The following DENND5A variants were observed in gnomAD, a reference collection of about 807,000 sequenced individuals.
DENND5A encodes the protein DENN domain containing 5A, also known as DENN domain-containing protein 5A.
A neutral mutation model predicts 140.3 loss-of-function variants in DENND5A; 64 were observed. The observed-to-expected ratio is 0.46, with a 90% CI of 0.37 to 0.56. The LOEUF is 0.56. Ranked by LOEUF, DENND5A falls within the 20% of genes least tolerant of loss-of-function variation. DENND5A has a pLI of 0.00. For missense variants in DENND5A, 1,292 were observed against 1,593.8 expected, an observed-to-expected ratio of 0.81 and a Z score of 3.22; for synonymous variants, 605 against 607.7, an observed-to-expected ratio of 1.00 and a Z score of 0.07.
In DENND5A at chr11:9,244,892, G is replaced by C. The variant is rs1191958360; in HGVS notation, c.109+20069C>G. ...GGGTTTCGCCGTGTTGCCGGGGCTG[G>C]TCTCGAACTCCTGGGCTCAAGCGAT... is the stretch of plus-strand genomic sequence containing the variant. On this transcript the variant is annotated intron_variant, in intron 1 of 22. Coordinates refer to ENST00000328194, the MANE Select transcript of DENND5A (RefSeq NM_015213.4). Among the ~76,000 whole-genome samples the C allele has an allele frequency of 2.6e-5, 4 of 151,934 alleles. No homozygotes were observed. In the East Asian group the frequency reaches 5.9e-4, roughly 22 times the overall value.
At chr11:9,161,614 T>TA in intron 11 of DENND5A, among the ~76,000 whole-genome samples, 1 of 152,320 alleles carries the variant, frequency 6.6e-6, no homozygotes, top group Non-Finnish European at 1.5e-5. Context: ...TTATTTTACA[T>TA]AAAAATTTTC....
At chr11:9,192,638 C>CAAA (rs141358183) in intron 5 of DENND5A, among the ~76,000 whole-genome samples, 1 of 140,718 alleles carries the variant, frequency 7.1e-6, no homozygotes, top group Non-Finnish European at 1.6e-5. Context: ...AAAAAAAAAA[C>CAAA]AAAAAAAAAC....
intron 1 of DENND5A, among the ~76,000 whole-genome samples, chr11:9,251,710 C>A (rs1324345383): frequency 6.6e-6 from 1 of 152,180 alleles, no homozygotes; most frequent in Non-Finnish European, 1.5e-5. Flanking sequence ...CTAAATCCAG[C>A]TGGGTGCGGT....
chr11:9,193,650 C>G lies in DENND5A; in HGVS notation c.981G>C (p.Thr327=). The change falls in exon 5 of 23, where the codon ACG becomes ACC. Residue 327 remains threonine, a synonymous_variant. Coordinates refer to ENST00000328194, the MANE Select transcript of DENND5A (RefSeq NM_015213.4). ...GGAAAGGAAACATGAGAGCTGTAAT[C>G]GTCTCCGCCACAGTCATCAGTCTCT... ...HYQRLMTVAE[T]ITALMFPFQW... 1.2e-6 allele frequency: 2 copies of G among 1,613,582 alleles called. No individual in the cohort carries two copies. The highest frequency in any genetic ancestry group is 1.7e-6 in the Non-Finnish European group (2 of 1,179,768).
intron 1 of DENND5A, among the ~76,000 whole-genome samples, chr11:9,259,015 C>T (rs1435478368): frequency 6.6e-6 from 1 of 152,114 alleles, no homozygotes; most frequent in African/African-American, 2.4e-5. Context: ...AATCCCAGGA[C>T]TTTGGGAGGC....
chr11:9,240,665 G>A (rs1438693089), intron 1 of DENND5A, among the ~76,000 whole-genome samples: 3 of 151,628 alleles, frequency 2.0e-5, no homozygotes, highest in South Asian at 2.1e-4. Context: ...AGCTGAGATG[G>A]TGCCACCGTA....
chr11:9,258,461 CT>C (rs1195755599), intron 1 of DENND5A, among the ~76,000 whole-genome samples: 5 of 152,036 alleles, frequency 3.3e-5, no homozygotes, highest in African/African-American at 1.2e-4. Flanking sequence ...TGAACTCATC[CT>C]TTTTTATGGC....
At chr11:9,168,105 T>G (rs958954635) in intron 10 of DENND5A, among the ~76,000 whole-genome samples, 2 of 151,984 alleles carry the variant, frequency 1.3e-5, no homozygotes, top group Non-Finnish European at 2.9e-5. Context: ...TTTTTTTTTT[T>G]TGTCTTTAGC....
chr11:9,203,545 G>A (rs1849589477), intron 4 of DENND5A, 115 bp downstream of exon 4: 1 of 1,228,140 alleles, frequency 8.1e-7, no homozygotes. Flanking sequence ...CAAAAGATCT[G>A]GGTTTTGCTC....
chr11:9,261,206 A>G (rs1427760871), intron 1 of DENND5A, among the ~76,000 whole-genome samples: 1 of 152,146 alleles, frequency 6.6e-6, no homozygotes, highest in African/African-American at 2.4e-5. Context: ...TCTCCACAAA[A>G]CAAGAAGGAA....
chr11:9,206,068 G>T (rs1849682829), intron 3 of DENND5A, among the ~76,000 whole-genome samples: 1 of 152,178 alleles, frequency 6.6e-6, no homozygotes, highest in Non-Finnish European at 1.5e-5. Context: ...ATGTACGTGT[G>T]TATGTGTTTA....
intron 11 of DENND5A, among the ~76,000 whole-genome samples, chr11:9,163,612 T>G (rs1047746106): frequency 6.6e-6 from 1 of 151,976 alleles, no homozygotes; most frequent in African/African-American, 2.4e-5. Context: ...AATACCAGCC[T>G]GGTCAATATG....
chr11:9,205,817 A>G (rs1849675786), intron 3 of DENND5A, among the ~76,000 whole-genome samples: 1 of 152,166 alleles, frequency 6.6e-6, no homozygotes, highest in South Asian at 2.1e-4. Flanking sequence ...GGATCACTTG[A>G]GCTCAGGAGG....
chr11:9,178,080 G>T, intron 8 of DENND5A, 52 bp downstream of exon 8: 1 of 1,260,140 alleles, frequency 7.9e-7, no homozygotes, highest in Non-Finnish European at 1.2e-6. Context: ...AAAGGGACAT[G>T]TTAATGCCAT....
intron 12 of DENND5A, among the ~76,000 whole-genome samples, chr11:9,158,552 A>C (rs910526988): frequency 6.6e-6 from 1 of 152,016 alleles, no homozygotes; most frequent in Non-Finnish European, 1.5e-5. Flanking sequence ...TGTCTCAAAA[A>C]TTAAATTAAA....
chr11:9,229,899 C>CTTTTTTTTTTTT (rs71062816), intron 1 of DENND5A, among the ~76,000 whole-genome samples: 3 of 64,904 alleles, frequency 4.6e-5, no homozygotes, highest in African/African-American at 6.3e-5. Flanking sequence ...GCTCCCATTT[C>CTTTTTTTTTTTT]TTTTTTTTTT....
In DENND5A at chr11:9,143,363, T is replaced by C. The variant is rs1341751307; in HGVS notation, c.3387+40A>G. 4.6e-6 allele frequency: 7 copies of C among 1,537,874 alleles called. No individual in the cohort carries two copies. In the South Asian group the frequency reaches 5.6e-5, roughly 12 times the overall value. On this transcript the variant is annotated intron_variant, in intron 20 of 22. Transcript: ENST00000328194. Reference sequence around the variant, plus strand: ...GGAAAAACAAAATTATTCTCTCTTATTCAATGTAAGGCCCTGGATTGGAGG... The same window carrying C: ...GGAAAAACAAAATTATTCTCTCTTACTCAATGTAAGGCCCTGGATTGGAGG...
At chr11:9,236,174 G>A (rs957386097) in intron 1 of DENND5A, among the ~76,000 whole-genome samples, 38 of 149,296 alleles carry the variant, frequency 2.5e-4, no homozygotes, top group South Asian at 4.2e-4. Flanking sequence ...AGTGAGCCAT[G>A]TTTGCACCAC....
At chr11:9,183,439 CTT>C (rs149988674) in intron 5 of DENND5A, among the ~76,000 whole-genome samples, 12 of 144,348 alleles carry the variant, frequency 8.3e-5, no homozygotes, top group Admixed American at 1.4e-4. Flanking sequence ...AGGTTTTTAA[CTT>C]TTTTTTTTTT....
Sources: gnomAD v4.1 joint callset for allele counts (sites outside exome capture counted in the v4.1 genomes callset) on GRCh38, gnomAD v4.1.1 for gene constraint, MANE v1.5 for transcripts, NCBI Gene and HGNC (gene_info 2026-07-23, HGNC 2026-07-21) for gene names.